KIF2C: variants seen among roughly 807,000 people sequenced by gnomAD.
KIF2C encodes the protein kinesin family member 2C.
A neutral mutation model predicts 97.4 loss-of-function variants in KIF2C; 34 were observed. That is an observed-to-expected ratio of 0.35 (90% CI 0.27 to 0.46). KIF2C has a LOEUF of 0.46. Among genes scored for constraint, KIF2C ranks in the 20% least tolerant of loss-of-function variants. The pLI is 1.00. For missense variants in KIF2C, 750 were observed against 907.6 expected (o/e 0.83, Z 2.23); for synonymous variants, 313 against 318.2 (o/e 0.98, Z 0.17).
rs757427291 is a variant in KIF2C at position 44,762,511 on chromosome 1, G to A, written c.1858-34G>A. On this transcript the variant is annotated intron_variant, in intron 18 of 20. Transcript: ENST00000372224. ...TGTGGCCTGCTGAGGCGGCACCTGG[G>A]TCACATAATTGTCTTTCTTTTTGGC... 5 of 1,610,464 alleles carry A rather than the reference G, an allele frequency of 3.1e-6. No homozygotes were observed. The African/African-American group carries it at 6.7e-5, about 22-fold the overall frequency.
chr1:44,761,986 A>C lies in KIF2C; in HGVS notation c.1751+3A>C. The C allele has an allele frequency of 6.2e-7, 1 of 1,612,762 alleles. No homozygotes were observed. The highest frequency in any genetic ancestry group is 8.5e-7 in the Non-Finnish European group (1 of 1,178,720). ...AACACCCTGAGATATGCAGACAGGT[A>C]CTAGTACCTACAGCTAGGTGGGATG... On this transcript the variant is annotated splice_donor_region_variant and intron_variant, in intron 17 of 20. Transcript: ENST00000372224.
chr1:44,750,673 T>C (rs1185515743), intron 5 of KIF2C, 109 bp downstream of exon 5: 3 of 1,259,022 alleles, frequency 2.4e-6, no homozygotes, highest in East Asian at 5.6e-5. Context: ...GCTTCAGAAC[T>C]GGTCTGCTCC....
Position 44,760,344 on chromosome 1 carries a change from C to G in KIF2C, c.1432C>G (p.Leu478Val). Residue 478 changes from leucine (L) to valine (V), a missense_variant, in exon 15 of 21, where the codon CTT (leucine) becomes GTT (valine). Coordinates refer to ENST00000372224, the MANE Select transcript of KIF2C (RefSeq NM_006845.4). The surrounding 1 kb of genome is among the most constrained non-coding windows in gnomAD (Gnocchi z 4.2). Reference sequence around the variant, plus strand: ...CTCCCACGCGTGCTTCCAAATTATTCTTCGAGCTAAAGGGAGAATGCATGG... The same window carrying G: ...CTCCCACGCGTGCTTCCAAATTATTGTTCGAGCTAAAGGGAGAATGCATGG... ...SRSHACFQII[L>V]RAKGRMHGKF... 1 of 1,614,218 alleles carries G rather than the reference C, an allele frequency of 6.2e-7. No homozygotes were observed. The highest frequency in any genetic ancestry group is 8.5e-7 in the Non-Finnish European group (1 of 1,180,054).
Position 44,740,914 on chromosome 1 carries a change from T to C in KIF2C, c.72T>C (p.Gly24=), listed in dbSNP as rs1430500900. 1 of 1,610,506 alleles carries C rather than the reference T, an allele frequency of 6.2e-7. No individual in the cohort carries two copies. The highest frequency in any genetic ancestry group is 1.3e-5 in the African/African-American group (1 of 74,804). The change falls in exon 2 of 21, where the codon GGT becomes GGC. Residue 24 remains glycine (G), a splice_region_variant and synonymous_variant. Coordinates refer to ENST00000372224, the MANE Select transcript of KIF2C (RefSeq NM_006845.4). ...CTCTGGTTTTTTCATACTTTATAGG[T>C]TTAATTCACAGTGCCAATGTAAGGA... The part of the protein sequence containing the change: ...GLAIKIQRSN[G]LIHSANVRTV...
intron 17 of KIF2C, 171 bp from the exon 18 acceptor site, chr1:44,762,175 C>A: frequency 1.2e-6 from 1 of 846,072 alleles, no homozygotes; most frequent in Non-Finnish European, 2.0e-6. Flanking sequence ...GGAGAGTCAG[C>A]TGGGTGAGGG....
At chr1:44,761,579 G>A (rs1185954546) in intron 16 of KIF2C, among the ~76,000 whole-genome samples, 1 of 151,496 alleles carries the variant, frequency 6.6e-6, no homozygotes, top group Non-Finnish European at 1.5e-5. Context: ...CTGCACTCTG[G>A]TCTGGGCGAC....
intron 5 of KIF2C, among the ~76,000 whole-genome samples, chr1:44,751,507 C>CTT (rs58381189): frequency 0.15 from 19,132 of 125,482 alleles, 1,728 homozygotes; most frequent in Non-Finnish European, 0.2. Context: ...TCTTTTTGTA[C>CTT]TTTTTTTTTT....
chr1:44,753,102 G>C (rs975988926), intron 5 of KIF2C, 30 bp from the exon 6 acceptor site: 1 of 1,595,630 alleles, frequency 6.3e-7, no homozygotes, highest in African/African-American at 1.3e-5. Context: ...ATACTTGCCT[G>C]CTTCTCCAGT....
At chr1:44,753,875 T>G in intron 7 of KIF2C, 42 bp downstream of exon 7, 1 of 1,260,206 alleles carries the variant, frequency 7.9e-7, no homozygotes, top group Non-Finnish European at 1.1e-6. Flanking sequence ...TTTGGACAGG[T>G]GTCCTTAACC....
At chr1:44,751,804 C>T (rs979455693) in intron 5 of KIF2C, among the ~76,000 whole-genome samples, 5 of 146,532 alleles carry the variant, frequency 3.4e-5, no homozygotes, top group African/African-American at 7.6e-5. Flanking sequence ...CTACTGCACC[C>T]GGCCCTCTTT....
intron 19 of KIF2C, among the ~76,000 whole-genome samples, chr1:44,762,954 G>T (rs1355404261): frequency 6.6e-6 from 1 of 152,154 alleles, no homozygotes; most frequent in Admixed American, 6.6e-5. Context: ...CAGGGATCTT[G>T]TCTTGTGTTT....
chr1:44,755,844 G>C (rs1193648350), intron 8 of KIF2C, 85 bp from the exon 9 acceptor site: 53 of 1,280,652 alleles, frequency 4.1e-5, no homozygotes, highest in Non-Finnish European at 1.1e-6. Flanking sequence ...ACATGGGATT[G>C]GAAGGGGTGG....
rs7524294 is a variant in KIF2C, at chr1:44,759,229, G to A, written c.1248G>A (p.Lys416=). The part of the protein sequence containing the change: ...NGKLFDLLNK[K]AKLRVLEDGK... ...AGCTGTTTGACCTGCTCAACAAGAA[G>A]GCCAAGCTGCGCGTGCTGGAGGACG... The change falls in exon 14 of 21, where the codon AAG becomes AAA. Residue 416 remains lysine, a synonymous_variant. Coordinates refer to ENST00000372224, the MANE Select transcript of KIF2C (RefSeq NM_006845.4). The A allele has an allele frequency of 0.012, 20,140 of 1,614,092 alleles. 227 individuals carry two copies. The highest frequency in any genetic ancestry group is 0.047 in the East Asian group (2,112 of 44,874).
intron 2 of KIF2C, among the ~76,000 whole-genome samples, chr1:44,741,255 G>T (rs930390267): frequency 1.3e-5 from 2 of 151,988 alleles, no homozygotes; most frequent in Non-Finnish European, 2.9e-5. Flanking sequence ...GGTAGTGCAT[G>T]CCTGTAATCC....
In KIF2C at chr1:44,760,886, C is replaced by T. The variant is rs770857821; in HGVS notation, c.1683+184C>T. Reference sequence around the variant, plus strand: ...CGAGACTCCTTGTGGCCTAACCAAGCGTGGAGGAAAGGATCTATTCCCTTT... The same window carrying T: ...CGAGACTCCTTGTGGCCTAACCAAGTGTGGAGGAAAGGATCTATTCCCTTT... On this transcript the variant is annotated intron_variant, in intron 16 of 20. Coordinates refer to ENST00000372224, the MANE Select transcript of KIF2C (RefSeq NM_006845.4). The surrounding 1 kb of genome is among the most constrained non-coding windows in gnomAD (Gnocchi z 4.2). 8 of 592,090 alleles carry T rather than the reference C, an allele frequency of 1.4e-5. No individual in the cohort carries two copies. Among genetic ancestry groups the T allele is most frequent in the Admixed American group, 5.8e-5 (2 of 34,250 alleles). The allele number at this position is 592,090 out of a possible 1,614,324, so 36.7% of individuals were successfully genotyped here.
At chr1:44,751,811 CTTT>C (rs1557593575) in intron 5 of KIF2C, among the ~76,000 whole-genome samples, 1 of 112,436 alleles carries the variant, frequency 8.9e-6, no homozygotes, top group Non-Finnish European at 1.7e-5. Context: ...ACCCGGCCCT[CTTT>C]TTATACCTTT....
In KIF2C at chr1:44,747,446, G is replaced by T. The variant is rs115867900; in HGVS notation, c.228G>T (p.Pro76=). ...TCTTACAGCTTCTTCCCTTACATCC[G>T]AAGGACAATCTGCCCTTGCAGGAAA... The part of the protein sequence containing the change: ...PELLQLLPLH[P]KDNLPLQENV... Residue 76 remains proline, a synonymous_variant, in exon 3 of 21, where the codon CCG becomes CCT. Transcript: ENST00000372224. 1 of 1,609,706 alleles carries T rather than the reference G, an allele frequency of 6.2e-7. No homozygotes were observed. Among genetic ancestry groups the T allele is most frequent in the African/African-American group, 1.3e-5 (1 of 74,536 alleles).
chr1:44,759,890 A>G (rs547634818), intron 14 of KIF2C, among the ~76,000 whole-genome samples: 2 of 152,198 alleles, frequency 1.3e-5, no homozygotes, highest in African/African-American at 4.8e-5. Context: ...ACATTGGTAC[A>G]GTGGGGCGCT....
At chr1:44,762,688 G>A (rs998258388) in intron 19 of KIF2C, 30 bp downstream of exon 19, 5 of 1,435,522 alleles carry the variant, frequency 3.5e-6, no homozygotes, top group Non-Finnish European at 4.9e-6. Context: ...CAGGGAGCTG[G>A]ATGCAGCACG....
Sources: gnomAD v4.1 joint callset for allele counts (sites outside exome capture counted in the v4.1 genomes callset) on GRCh38, gnomAD v4.1.1 for gene constraint, Gnocchi (gnomAD v3.1) non-coding constraint, MANE v1.5 for transcripts, NCBI Gene and HGNC (gene_info 2026-07-23, HGNC 2026-07-21) for gene names.